Variants in TEC observed in about 807,000 individuals in gnomAD.
TEC encodes tyrosine-protein kinase Tec.
Under a neutral mutation model 93.0 loss-of-function variants are expected in TEC, and 72 were observed. That is an observed-to-expected ratio of 0.77 (90% CI 0.64 to 0.94). The LOEUF (loss-of-function observed/expected upper bound fraction) is 0.94, where lower values mean the gene tolerates loss of function less well. TEC is among the 40% of genes least tolerant of loss of function. TEC has a pLI of 0.00. For missense variants in TEC, 630 were observed against 757.9 expected (o/e 0.83, Z 1.98); for synonymous variants, 249 against 247.7 (o/e 1.01, Z -0.05).
intron 8 of TEC, among the ~76,000 whole-genome samples, chr4:48,161,886 C>T (rs1281747495): frequency 2.0e-5 from 3 of 152,106 alleles, no homozygotes; most frequent in Non-Finnish European, 2.9e-5. Context: ...ATCCTTCTCC[C>T]GTACTGGATG....
rs141788177 is a variant in TEC, at chr4:48,244,505, A to G, written c.-45-15846T>C. Among the ~76,000 whole-genome samples the G allele has an allele frequency of 5.3e-3, 808 of 152,314 alleles. 9 individuals are homozygous for G. Among genetic ancestry groups the G allele is most frequent in the African/African-American group, 0.018 (759 of 41,562 alleles). ...CAGCATCGGAAAGACCTGCCCCATG[A>G]TTCAATTACTTCCCACTGGGTCCCT... On this transcript the variant is annotated intron_variant, in intron 1 of 17. Coordinates refer to ENST00000381501, the MANE Select transcript of TEC (RefSeq NM_003215.3).
intron 2 of TEC, among the ~76,000 whole-genome samples, chr4:48,178,309 A>C (rs1050516183): frequency 3.5e-4 from 53 of 152,324 alleles, no homozygotes; most frequent in African/African-American, 1.2e-3. Context: ...ATCCAGGGGC[A>C]CATCCCCAAA....
chr4:48,136,103 A>G lies in TEC; in HGVS notation c.*1313T>C, dbSNP rs1388371673. On this transcript the variant is annotated 3_prime_UTR_variant, in exon 18 of 18. Coordinates refer to ENST00000381501, the MANE Select transcript of TEC (RefSeq NM_003215.3). ...AATAAACGGTCTCTGGATGACTGAT[A>G]CAGTTTCTTTTCGCTGGCGCTCACG... 2 of 152,220 alleles carry G rather than the reference A, an allele frequency of 1.3e-5. No homozygotes were observed. Among genetic ancestry groups the G allele is most frequent in the East Asian group, 3.8e-4 (2 of 5,198 alleles). The allele number at this position is 152,220 out of a possible 1,614,324, so 9.4% of individuals were successfully genotyped here.
In TEC at chr4:48,172,612, T is replaced by C. The variant is rs574693083; in HGVS notation, c.244-1163A>G. 8.9e-4 allele frequency among the ~76,000 whole-genome samples: 135 copies of C among 152,034 alleles called. 2 individuals carry two copies. The highest frequency in any genetic ancestry group is 3.2e-3 in the African/African-American group (132 of 41,488). ...CCACGGTAACCAGCCAGAAATGCAC[T>C]GTAATAGTAATGTGAACACCATAGA... is the stretch of plus-strand genomic sequence containing the variant. On this transcript the variant is annotated intron_variant, in intron 3 of 17. Coordinates refer to ENST00000381501, the MANE Select transcript of TEC (RefSeq NM_003215.3).
At chr4:48,203,364 C>CA (rs1339552366) in intron 2 of TEC, among the ~76,000 whole-genome samples, 1 of 142,938 alleles carries the variant, frequency 7.0e-6, no homozygotes, top group Non-Finnish European at 1.6e-5. Flanking sequence ...GACTCTGTCT[C>CA]AAAAAAACAA....
intron 6 of TEC, 39 bp downstream of exon 6, chr4:48,168,547 A>C (rs1454197272): frequency 6.2e-7 from 1 of 1,603,508 alleles, no homozygotes; most frequent in African/African-American, 1.3e-5. Context: ...AAAGGCTTAA[A>C]ATGTAAAGAT....
At chr4:48,142,980 C>T (rs1452252727) in intron 14 of TEC, among the ~76,000 whole-genome samples, 2 of 152,172 alleles carry the variant, frequency 1.3e-5, no homozygotes, top group Non-Finnish European at 2.9e-5. Context: ...CCACACCTGG[C>T]CGATAATATT....
chr4:48,158,936 AG>A (rs1419400354), intron 8 of TEC, among the ~76,000 whole-genome samples: 3 of 152,228 alleles, frequency 2.0e-5, no homozygotes, highest in African/African-American at 7.2e-5. Flanking sequence ...ATATCAATTC[AG>A]ACCTTTAAGT....
At position 48,199,455 on chromosome 4, in the gene TEC, C is replaced by CTTTTTTTTTTT. The variant is rs34965891; in HGVS notation, c.139-23280_139-23270dup. Among the ~76,000 whole-genome samples, 178 of 67,360 alleles carry CTTTTTTTTTTT rather than the reference C, an allele frequency of 2.6e-3. 16 individuals carry two copies. The highest frequency in any genetic ancestry group is 3.1e-3 in the African/African-American group (50 of 16,038). The allele number at this position is 67,360 out of a possible 152,430, so 44.2% of individuals were successfully genotyped here. The stretch of plus-strand genomic sequence containing the variant: ...CTGGGCTACAGAAAGGATTTTCTTT[C>CTTTTTTTTTTT]TTTTTTTTTTTTTTTTTTTTTTTTT... On this transcript the variant is annotated intron_variant, in intron 2 of 17. Transcript: ENST00000381501.
chr4:48,207,096 G>A (rs1722742162), intron 2 of TEC, among the ~76,000 whole-genome samples: 1 of 152,220 alleles, frequency 6.6e-6, no homozygotes, highest in South Asian at 2.1e-4. Flanking sequence ...CTTAAAGAAT[G>A]TGTAGGGTTT....
At chr4:48,170,001 C>T (rs964863475) in intron 5 of TEC, among the ~76,000 whole-genome samples, 2 of 152,216 alleles carry the variant, frequency 1.3e-5, no homozygotes, top group African/African-American at 4.8e-5. Context: ...TAGGCTCACA[C>T]TTTCAATGGA....
intron 14 of TEC, 45 bp downstream of exon 14, chr4:48,145,034 A>G: frequency 6.4e-7 from 1 of 1,573,162 alleles, no homozygotes; most frequent in Non-Finnish European, 8.7e-7. Context: ...CCAGTGTTAC[A>G]AAGGAATTCA....
chr4:48,210,472 G>A (rs565855848), intron 2 of TEC, among the ~76,000 whole-genome samples: 2 of 149,290 alleles, frequency 1.3e-5, no homozygotes, highest in African/African-American at 5.1e-5. Flanking sequence ...GTGACAGAAT[G>A]AGACTGCCTC....
chr4:48,254,062 AC>A (rs1724277494), intron 1 of TEC, among the ~76,000 whole-genome samples: 1 of 152,156 alleles, frequency 6.6e-6, no homozygotes, highest in Admixed American at 6.5e-5. Context: ...TCCTGATCAT[AC>A]GTAATCTCTT....
chr4:48,201,959 T>A (rs1461107749), intron 2 of TEC, among the ~76,000 whole-genome samples: 5 of 145,818 alleles, frequency 3.4e-5, no homozygotes, highest in South Asian at 2.2e-4. Context: ...CTTATTTTTT[T>A]TTTTTTTTTT....
chr4:48,245,142 A>C (rs565609877), intron 1 of TEC, among the ~76,000 whole-genome samples: 5 of 151,924 alleles, frequency 3.3e-5, no homozygotes, highest in Non-Finnish European at 5.9e-5. Flanking sequence ...AAAATACAAA[A>C]ATTTGCTGGG....
In TEC at chr4:48,149,663, A is replaced by T. The variant is rs1720074778; in HGVS notation, c.900T>A (p.Tyr300Ter). The stretch of plus-strand genomic sequence containing the variant: ...GAGATGTTGTTGTTTCCTTTATATG[A>T]TAATGCCTAAAACCCGATGAACCTT... ...GGEGSSGFRH[Y>*]HIKETTTSPK... is the part of the protein sequence containing the mutation. The change falls in exon 11 of 18, where the codon TAT becomes TAA. Residue 300 changes from tyrosine to a stop codon, truncating the protein, a stop_gained. Coordinates refer to ENST00000381501, the MANE Select transcript of TEC (RefSeq NM_003215.3). LOFTEE classifies it high-confidence loss of function. The T allele has an allele frequency of 6.2e-7, 1 of 1,610,458 alleles. No homozygotes were observed. The highest frequency in any genetic ancestry group is 1.3e-5 in the African/African-American group (1 of 74,722).
chr4:48,151,604 A>G (rs1057494857), intron 9 of TEC, among the ~76,000 whole-genome samples: 3 of 152,180 alleles, frequency 2.0e-5, no homozygotes. Context: ...CTCCTGCCTC[A>G]GCCTCCCGAG....
chr4:48,171,436 G>A lies in TEC; in HGVS notation c.257C>T (p.Ala86Val), dbSNP rs75574368. The A allele has an allele frequency of 5.1e-4, 822 of 1,613,398 alleles. 8 individuals carry two copies. In the African/African-American group the frequency reaches 0.01, roughly 20 times the overall value. ...AGGTGCAAAAATGTAAAGTGTGTTAGCATCATGAACAACCTAAAATAAAAC... is the reference window on the plus strand; with the variant it reads ...AGGTGCAAAAATGTAAAGTGTGTTAACATCATGAACAACCTAAAATAAAAC... ...NKYPFQVVHD[A>V]NTLYIFAPSP... Residue 86 changes from alanine (A) to valine (V), a missense_variant, in exon 4 of 18, where the codon GCT (alanine) becomes GTT (valine). Physicochemically the swap from Ala to Val is moderately conservative, Grantham distance 64. This residue lies in a region of TEC where 335 missense variants were observed against 351.5 expected (regional missense o/e 0.95). Transcript: ENST00000381501.
Sources: gnomAD v4.1 joint callset for allele counts (sites outside exome capture counted in the v4.1 genomes callset) on GRCh38, gnomAD v4.1.1 for gene constraint, gnomAD v4.1.1 regional missense constraint, MANE v1.5 for transcripts, NCBI Gene and HGNC (gene_info 2026-07-23, HGNC 2026-07-21) for gene names.